The following TMPRSS9 variants were observed in gnomAD, a reference collection of about 807,000 sequenced individuals.
TMPRSS9 encodes transmembrane protease serine 9.
Under a neutral mutation model 111.4 loss-of-function variants are expected in TMPRSS9, and 113 were observed. The ratio of observed to expected loss-of-function variants is 1.01; its 90% CI spans 0.87 to 1.19. The LOEUF (loss-of-function observed/expected upper bound fraction) is 1.19. Ranked by LOEUF, TMPRSS9 falls within the 50% of genes most tolerant of loss-of-function variation. The probability of loss-of-function intolerance (pLI) is 0.00; values close to 1 mark genes in which losing one functional copy is unlikely to be tolerated. For missense variants in TMPRSS9, 1,803 were observed against 1,513.1 expected, an observed-to-expected ratio of 1.19 and a Z score of -3.18; for synonymous variants, 805 against 659.1, an observed-to-expected ratio of 1.22 and a Z score of -3.39.
chr19:2,392,487 G>T (rs1970618366), intron 1 of TMPRSS9, among the ~76,000 whole-genome samples: 1 of 152,202 alleles, frequency 6.6e-6, no homozygotes, highest in Admixed American at 6.6e-5. Flanking sequence ...CGGGAGGATT[G>T]CTTGAGCCCA....
intron 1 of TMPRSS9, among the ~76,000 whole-genome samples, chr19:2,381,632 A>G (rs1474671653): frequency 7.1e-6 from 1 of 140,932 alleles, no homozygotes; most frequent in Non-Finnish European, 1.5e-5. Flanking sequence ...CCCCTGCCTC[A>G]CTCCCCGCCA....
intron 1 of TMPRSS9, among the ~76,000 whole-genome samples, chr19:2,393,477 A>G (rs1404350103): frequency 2.6e-5 from 4 of 152,162 alleles, no homozygotes; most frequent in African/African-American, 7.2e-5. Context: ...CTCCGGACAC[A>G]CCATCTTTAA....
At chr19:2,404,840 G>A (rs536513372) in intron 6 of TMPRSS9, among the ~76,000 whole-genome samples, 13 of 150,622 alleles carry the variant, frequency 8.6e-5, no homozygotes, top group Middle Eastern at 6.9e-3. Context: ...GCTGAGGTAG[G>A]AGAATCCCTT....
intron 8 of TMPRSS9, among the ~76,000 whole-genome samples, chr19:2,409,487 C>G (rs943168426): frequency 6.6e-6 from 1 of 152,028 alleles, no homozygotes; most frequent in Non-Finnish European, 1.5e-5. Context: ...TAAATAGTCA[C>G]CTGTGGCCAG....
chr19:2,406,104 G>A (rs1371150969), intron 7 of TMPRSS9, among the ~76,000 whole-genome samples: 4 of 146,190 alleles, frequency 2.7e-5, no homozygotes, highest in East Asian at 4.0e-4. Context: ...TCCGCCTCCC[G>A]GGTTCACGCC....
intron 1 of TMPRSS9, among the ~76,000 whole-genome samples, chr19:2,367,096 CT>C (rs913682136): frequency 6.6e-6 from 1 of 152,140 alleles, no homozygotes; most frequent in African/African-American, 2.4e-5. Context: ...CTTCTATGAT[CT>C]AACCTCAGAA....
At chr19:2,410,215 G>T in intron 8 of TMPRSS9, 43 bp from the exon 10 acceptor site, 2 of 1,607,164 alleles carry the variant, frequency 1.2e-6, no homozygotes, top group Non-Finnish European at 8.5e-7. Context: ...GGCTGCCAGG[G>T]CTCCGGCACT....
At chr19:2,404,061 A>G (rs1403019188) in intron 6 of TMPRSS9, among the ~76,000 whole-genome samples, 1 of 151,636 alleles carries the variant, frequency 6.6e-6, no homozygotes. Flanking sequence ...CCAGCTACTC[A>G]GGAGGCTGAG....
rs542802013 is a variant in TMPRSS9 at position 2,413,666 on chromosome 19, C to T, written c.1255-34C>T. 66 of 1,573,240 alleles carry T rather than the reference C, an allele frequency of 4.2e-5. 1 individual carries two copies. In the South Asian group the frequency reaches 4.8e-4, roughly 11 times the overall value. On this transcript the variant is annotated intron_variant, in intron 9 of 17. Transcript: ENST00000648592. ...CACTGGTGTCTGGACTGGCTGCTGC[C>T]GACCCATCCTGAGGGTGTGTGTTGG...
chr19:2,424,151 G>A, exon 15 of TMPRSS9: 1 of 1,453,652 alleles, frequency 6.9e-7, no homozygotes, highest in East Asian at 2.8e-5. Flanking sequence ...GGGCCGTGGG[G>A]AGTGGCCGTG....
rs781564865 is a variant in TMPRSS9, at chr19:2,408,347, C to T, written c.843-9C>T. ...TCGGTGGCTTCTGAGCTGGGGTTTG[C>T]TCCTGCAGGTTCCAAGACCCGACGA... On this transcript the variant is annotated splice_polypyrimidine_tract_variant and intron_variant, in intron 7 of 17. Transcript: ENST00000648592. 4 of 1,610,594 alleles carry T rather than the reference C, an allele frequency of 2.5e-6. No individual in the cohort carries two copies. In the African/African-American group the frequency reaches 4.0e-5, roughly 16 times the overall value.
chr19:2,405,558 C>T lies in TMPRSS9; in HGVS notation c.842+13C>T. ...ACTGCTTCAATGAGTAAGCCCCCATCCCAAAGCACCAAACCCGAACCCTCT... is the reference window on the plus strand; with the variant it reads ...ACTGCTTCAATGAGTAAGCCCCCATTCCAAAGCACCAAACCCGAACCCTCT... On this transcript the variant is annotated intron_variant, in intron 7 of 17. Transcript: ENST00000648592. The T allele has an allele frequency of 2.0e-6, 3 of 1,533,868 alleles. No homozygotes were observed. Among genetic ancestry groups the T allele is most frequent in the Non-Finnish European group, 8.8e-7 (1 of 1,142,356 alleles).
At chr19:2,405,533 A>C (rs1467089631) in exon 7 of TMPRSS9, 1 of 1,577,686 alleles carries the variant, frequency 6.3e-7, no homozygotes, top group South Asian at 1.2e-5. Context: ...TCTGCTGCTC[A>C]CTGCTTCAAT....
At chr19:2,370,910 C>T (rs1225967368) in intron 1 of TMPRSS9, among the ~76,000 whole-genome samples, 2 of 151,764 alleles carry the variant, frequency 1.3e-5, no homozygotes, top group African/African-American at 2.4e-5. Flanking sequence ...TGCAGTGAGC[C>T]GAGATCATAA....
exon 9 of TMPRSS9, chr19:2,410,264 A>T: frequency 6.2e-7 from 1 of 1,613,934 alleles, no homozygotes; most frequent in Non-Finnish European, 8.5e-7. Context: ...CCAGTGGTCA[A>T]GCCAGAGGTG....
chr19:2,403,125 T>A lies in TMPRSS9; in HGVS notation c.600T>A (p.Cys200Ter), dbSNP rs201603131. The stretch of plus-strand genomic sequence containing the variant: ...CCTTTTCCTGCGGGAACAGCCAGTG[T>A]GTGACCAAGGTGAACCCGGAGTGTG... The change falls in exon 6 of 18, where the codon TGT becomes TGA. Residue 200 changes from cysteine to a stop codon, truncating the protein, a stop_gained. Coordinates refer to ENST00000648592, the Ensembl canonical transcript of TMPRSS9. LOFTEE classifies it high-confidence loss of function. 5.8e-5 allele frequency: 94 copies of A among 1,612,632 alleles called. No homozygotes were observed. The highest frequency in any genetic ancestry group is 7.9e-5 in the Non-Finnish European group (93 of 1,179,784).
intron 1 of TMPRSS9, among the ~76,000 whole-genome samples, chr19:2,394,485 G>A (rs888153241): frequency 1.3e-5 from 2 of 152,180 alleles, no homozygotes; most frequent in Admixed American, 1.3e-4. Context: ...AGCGGGAGGC[G>A]TTCTGAACTA....
chr19:2,363,964 G>A lies in TMPRSS9; in HGVS notation c.-26+3604G>A, dbSNP rs1322595162. 2.0e-5 allele frequency among the ~76,000 whole-genome samples: 3 copies of A among 151,740 alleles called. No homozygotes were observed. The East Asian group carries it at 5.8e-4, about 29-fold the overall frequency. On this transcript the variant is annotated intron_variant, in intron 1 of 17. Transcript: ENST00000649857. ...TACCCTGGGATTATTGGGAGGGCTG[G>A]ATCAACTCTCATAAGCCTATGAGCC...
chr19:2,408,503 G>A, exon 8 of TMPRSS9: 1 of 1,613,924 alleles, frequency 6.2e-7, no homozygotes, highest in Non-Finnish European at 8.5e-7. Context: ...TGGCTGTGCT[G>A]GAGCTGACCA....
Sources: allele counts gnomAD v4.1 joint callset (sites outside exome capture counted in the v4.1 genomes callset), GRCh38; gene constraint gnomAD v4.1.1; transcripts MANE v1.5; gene names NCBI Gene and HGNC (gene_info 2026-07-23, HGNC 2026-07-21).